KIF18A: variants seen among roughly 807,000 people sequenced by gnomAD.
KIF18A encodes kinesin family member 18A, also known as kinesin-like protein KIF18A.
KIF18A carries 67 observed loss-of-function variants against 103.3 expected under a neutral mutation model. The observed-to-expected ratio is 0.65, with a 90% confidence interval of 0.53 to 0.79. The LOEUF (loss-of-function observed/expected upper bound fraction) is 0.79, where lower values mean the gene tolerates loss of function less well. Ranked by LOEUF, KIF18A falls within the 30% of genes least tolerant of loss-of-function variation. The pLI is 0.00. For missense variants in KIF18A, 1,032 were observed against 1,062.5 expected (o/e 0.97, Z 0.40); for synonymous variants, 367 against 355.5 (o/e 1.03, Z -0.36).
chr11:28,031,434 A>G (rs897108054), intron 15 of KIF18A, among the ~76,000 whole-genome samples: 4 of 152,198 alleles, frequency 2.6e-5, no homozygotes, highest in Admixed American at 6.5e-5. Context: ...CGCAAGGACA[A>G]AAAACCAAAC....
intron 9 of KIF18A, 21 bp from the exon 10 acceptor site, chr11:28,077,190 T>G: frequency 6.6e-7 from 1 of 1,519,850 alleles, no homozygotes; most frequent in Non-Finnish European, 8.8e-7. Context: ...TAAAACACAT[T>G]ACAGAATCTC....
intron 9 of KIF18A, among the ~76,000 whole-genome samples, chr11:28,077,740 C>T (rs898646732): frequency 6.6e-6 from 1 of 152,074 alleles, no homozygotes; most frequent in Non-Finnish European, 1.5e-5. Context: ...TAGGTACCCC[C>T]TACAGCCTGG....
chr11:28,033,925 C>T (rs1767793296), intron 15 of KIF18A, among the ~76,000 whole-genome samples: 2 of 151,564 alleles, frequency 1.3e-5, no homozygotes, highest in African/African-American at 2.4e-5. Flanking sequence ...GATTATTACA[C>T]ATTGTATGCT....
intron 13 of KIF18A, chr11:28,056,965 A>T (rs1850789085): frequency 2.7e-6 from 1 of 374,126 alleles, no homozygotes; most frequent in African/African-American, 2.3e-5. Context: ...CATAATGGAA[A>T]ATATAGGCAG....
chr11:28,030,177 CTACTT>C (rs1284949017), intron 15 of KIF18A, among the ~76,000 whole-genome samples: 2 of 136,340 alleles, frequency 1.5e-5, no homozygotes, highest in African/African-American at 5.8e-5. Flanking sequence ...TTGGAAAAGA[CTACTT>C]TAAAGTTCAT....
chr11:28,099,261 C>T (rs187167150), intron 1 of KIF18A, among the ~76,000 whole-genome samples: 1 of 152,030 alleles, frequency 6.6e-6, no homozygotes, highest in East Asian at 1.9e-4. Flanking sequence ...CACATGATCT[C>T]ACTTTTATGC....
At chr11:28,052,254 T>C (rs1850720533) in intron 13 of KIF18A, among the ~76,000 whole-genome samples, 1 of 152,036 alleles carries the variant, frequency 6.6e-6, no homozygotes, top group African/African-American at 2.4e-5. Context: ...ACAATTGAGG[T>C]ATGTTACATT....
Position 28,083,198 on chromosome 11 carries a change from C to A in KIF18A, c.1120G>T (p.Val374Leu), listed in dbSNP as rs778157242. Residue 374 changes from valine to leucine, a missense_variant, in exon 8 of 17, where the codon GTA becomes TTA. Physicochemically the swap from Val to Leu is conservative, Grantham distance 32 (BLOSUM62 1). Transcript: ENST00000263181. ...LNVNNHITQY[V>L]KICNEQKAEI... ...GCCTTCTGCTCATTACAGATCTTTA[C>A]ATATTGAGTTATATGATTATTGACA... The A allele has an allele frequency of 1.9e-6, 3 of 1,567,860 alleles. No individual in the cohort carries two copies. Among genetic ancestry groups the A allele is most frequent in the Middle Eastern group, 1.7e-4 (1 of 5,948 alleles).
At chr11:28,051,392 T>C (rs1027442333) in intron 13 of KIF18A, among the ~76,000 whole-genome samples, 1 of 152,022 alleles carries the variant, frequency 6.6e-6, no homozygotes, top group East Asian at 1.9e-4. Context: ...TATGACTACT[T>C]ACTGTACAAA....
rs531086718 is a variant in KIF18A at position 28,071,606 on chromosome 11, A to G, written c.1426-2183T>C. ...ATAAATCTGTTTTAATTTCTAATAT[A>G]GAAATATTGGTAGAGGGAATACATA... On this transcript the variant is annotated intron_variant, in intron 10 of 16. Transcript: ENST00000263181. Among the ~76,000 whole-genome samples the G allele has an allele frequency of 1.4e-4, 22 of 151,814 alleles. No individual in the cohort carries two copies. The South Asian group carries it at 4.4e-3, about 30-fold the overall frequency.
Position 28,091,393 on chromosome 11 carries a change from A to G in KIF18A, c.588+16T>C. ...ATTTGCTATTCTAACAGGGAAAAAGATGTTTATATACATACCTGGTGTAAA... is the reference window on the plus strand; with the variant it reads ...ATTTGCTATTCTAACAGGGAAAAAGGTGTTTATATACATACCTGGTGTAAA... On this transcript the variant is annotated intron_variant, in intron 4 of 16. Coordinates refer to ENST00000263181, the MANE Select transcript of KIF18A (RefSeq NM_031217.4). The G allele has an allele frequency of 2.2e-6, 3 of 1,334,504 alleles. No individual in the cohort carries two copies. The highest frequency in any genetic ancestry group is 3.2e-6 in the Non-Finnish European group (3 of 934,792). 82.7% of individuals were successfully genotyped at this position (1,334,504 alleles called of 1,614,324 possible).
intron 15 of KIF18A, among the ~76,000 whole-genome samples, chr11:28,034,981 T>C (rs961935902): frequency 1.4e-4 from 21 of 151,652 alleles, no homozygotes; most frequent in Non-Finnish European, 8.9e-5. Flanking sequence ...TCTTCACTCA[T>C]TATATTTTAG....
At chr11:28,067,682 T>C (rs1424779404) in intron 11 of KIF18A, among the ~76,000 whole-genome samples, 1 of 152,230 alleles carries the variant, frequency 6.6e-6, no homozygotes, top group Non-Finnish European at 1.5e-5. Context: ...TCAAAGATTT[T>C]AGAAGTTTCC....
intron 5 of KIF18A, 36 bp from the exon 6 acceptor site, chr11:28,088,757 A>G (rs918898748): frequency 1.3e-6 from 2 of 1,506,996 alleles, no homozygotes; most frequent in Non-Finnish European, 1.8e-6. Flanking sequence ...AAATGAGGAT[A>G]AGATTTAACA....
intron 13 of KIF18A, among the ~76,000 whole-genome samples, chr11:28,042,426 T>C (rs1190886603): frequency 2.6e-5 from 4 of 151,946 alleles, no homozygotes; most frequent in South Asian, 4.1e-4. Flanking sequence ...AGACATACTA[T>C]GTTTTCAGAT....
chr11:28,072,399 C>T (rs1409863906), intron 10 of KIF18A, among the ~76,000 whole-genome samples: 1 of 152,108 alleles, frequency 6.6e-6, no homozygotes, highest in Admixed American at 6.6e-5. Flanking sequence ...AATCCATACT[C>T]CAGAACTATT....
At chr11:28,095,660 T>C (rs1449868992) in intron 2 of KIF18A, among the ~76,000 whole-genome samples, 1 of 152,192 alleles carries the variant, frequency 6.6e-6, no homozygotes, top group African/African-American at 2.4e-5. Flanking sequence ...TTACTTTGTT[T>C]CCTAGATTCT....
chr11:28,084,861 C>A (rs1220081013), intron 6 of KIF18A, 53 bp from the exon 7 acceptor site: 2 of 1,411,184 alleles, frequency 1.4e-6, no homozygotes, highest in Admixed American at 3.5e-5. Flanking sequence ...AAATGCAAAC[C>A]TGCTACCACT....
At chr11:28,051,026 TTCAG>T (rs1850705303) in intron 13 of KIF18A, among the ~76,000 whole-genome samples, 1 of 151,862 alleles carries the variant, frequency 6.6e-6, no homozygotes, top group South Asian at 2.1e-4. Flanking sequence ...TAGGGATCTA[TTCAG>T]TCAAATTTAT....
Sources: gnomAD v4.1 joint callset for allele counts (sites outside exome capture counted in the v4.1 genomes callset) on GRCh38, gnomAD v4.1.1 for gene constraint, MANE v1.5 for transcripts, NCBI Gene and HGNC (gene_info 2026-07-23, HGNC 2026-07-21) for gene names.